The following ZCCHC7 variants were observed in gnomAD, a reference collection of about 807,000 sequenced individuals.
The protein encoded by ZCCHC7 is zinc finger CCHC-type containing 7.
Under a neutral mutation model 52.0 loss-of-function variants are expected in ZCCHC7, and 35 were observed. That is an observed-to-expected ratio of 0.67 (90% CI 0.51 to 0.89). ZCCHC7 has a LOEUF of 0.89. Among genes scored for constraint, ZCCHC7 ranks in the 40% least tolerant of loss-of-function variants. The pLI, the probability that ZCCHC7 is intolerant of heterozygous loss-of-function variation, is 0.00. For synonymous variants in ZCCHC7, 217 were observed against 221.5 expected, an observed-to-expected ratio of 0.98 and a Z score of 0.18; for missense variants, 574 against 649.1, an observed-to-expected ratio of 0.88 and a Z score of 1.26.
chr9:37,238,805 T>C (rs1328223121), intron 2 of ZCCHC7, among the ~76,000 whole-genome samples: 3 of 152,074 alleles, frequency 2.0e-5, no homozygotes, highest in African/African-American at 7.2e-5. Context: ...AACATCACGA[T>C]TGCAATGAAA....
chr9:37,278,051 G>GTTTTGTTTTGTTTTGTTTTGTTTTT (rs1827774655), intron 2 of ZCCHC7, among the ~76,000 whole-genome samples: 1 of 150,456 alleles, frequency 6.6e-6, no homozygotes, highest in Non-Finnish European at 1.5e-5. Flanking sequence ...GTTTTGTTTT[G>GTTTTGTTTTGTTTTGTTTTGTTTTT]TTTTGTTTTG....
rs1159322192 is a variant in ZCCHC7, at chr9:37,357,368, A to AGTTTTT, written c.*102_*107dup. 1 of 1,223,088 alleles carries AGTTTTT rather than the reference A, an allele frequency of 8.2e-7. No individual in the cohort carries two copies. The highest frequency in any genetic ancestry group is 1.5e-5 in the African/African-American group (1 of 65,268). The allele number at this position is 1,223,088 out of a possible 1,614,324, so 75.8% of individuals were successfully genotyped here. ...TTATTATCTATGATTAAATAAAGTG[A>AGTTTTT]GTTTTTGGTTTTGTTTTTTTAATTT... On this transcript the variant is annotated 3_prime_UTR_variant, in exon 9 of 9. Coordinates refer to ENST00000336755, the MANE Select transcript of ZCCHC7 (RefSeq NM_032226.3).
intron 1 of ZCCHC7, among the ~76,000 whole-genome samples, chr9:37,123,215 G>C (rs1369467185): frequency 2.4e-5 from 3 of 127,084 alleles, no homozygotes; most frequent in African/African-American, 7.8e-5. Flanking sequence ...GTGTGTGTGT[G>C]TGTGTGTGTG....
chr9:37,296,881 T>G (rs1038096740), intron 2 of ZCCHC7, among the ~76,000 whole-genome samples: 3 of 124,134 alleles, frequency 2.4e-5, no homozygotes, highest in Admixed American at 1.7e-4. Flanking sequence ...CCTGGCTAGT[T>G]TGTGTGTGTG....
chr9:37,293,105 A>C (rs1828615443), intron 2 of ZCCHC7, among the ~76,000 whole-genome samples: 1 of 152,206 alleles, frequency 6.6e-6, no homozygotes, highest in African/African-American at 2.4e-5. Context: ...TTGGAATGGT[A>C]GGTTGTGCTT....
intron 2 of ZCCHC7, among the ~76,000 whole-genome samples, chr9:37,154,012 C>G (rs1820678901): frequency 6.6e-6 from 1 of 152,104 alleles, no homozygotes; most frequent in African/African-American, 2.4e-5. Flanking sequence ...ACCTCAGCCT[C>G]CCAAGTAGAT....
chr9:37,305,444 C>A, intron 4 of ZCCHC7, 100 bp from the exon 5 acceptor site: 3 of 1,420,916 alleles, frequency 2.1e-6, no homozygotes, highest in South Asian at 1.3e-5. Flanking sequence ...ATTGGGATCT[C>A]AAATTAGAAA....
At chr9:37,218,368 T>C (rs1824625561) in intron 2 of ZCCHC7, among the ~76,000 whole-genome samples, 2 of 152,216 alleles carry the variant, frequency 1.3e-5, no homozygotes, top group African/African-American at 4.8e-5. Flanking sequence ...TTAACTATTA[T>C]GGGTTCATGG....
intron 6 of ZCCHC7, among the ~76,000 whole-genome samples, chr9:37,332,613 C>G (rs1389338053): frequency 6.6e-6 from 1 of 150,966 alleles, no homozygotes; most frequent in Non-Finnish European, 1.5e-5. Flanking sequence ...CAGAGTAAGT[C>G]AACTGATTTT....
chr9:37,138,429 A>G (rs1429551656), intron 2 of ZCCHC7, among the ~76,000 whole-genome samples: 1 of 152,200 alleles, frequency 6.6e-6, no homozygotes, highest in Non-Finnish European at 1.5e-5. Context: ...TAGATCAGCA[A>G]CATAGGGAGG....
intron 2 of ZCCHC7, among the ~76,000 whole-genome samples, chr9:37,269,380 C>T (rs1827275824): frequency 1.3e-5 from 2 of 151,900 alleles, no homozygotes; most frequent in Non-Finnish European, 2.9e-5. Context: ...TAAGAGGCTA[C>T]TGGGAGGCTG....
chr9:37,338,962 G>T (rs1288072224), intron 6 of ZCCHC7, among the ~76,000 whole-genome samples: 7 of 152,224 alleles, frequency 4.6e-5, no homozygotes, highest in Non-Finnish European at 1.0e-4. Context: ...GGTCTGTTGT[G>T]TACATAATAC....
At chr9:37,221,157 C>T (rs908251431) in intron 2 of ZCCHC7, among the ~76,000 whole-genome samples, 10 of 152,154 alleles carry the variant, frequency 6.6e-5, no homozygotes, top group African/African-American at 2.4e-4. Flanking sequence ...AAGAATTTTG[C>T]ACTAAGCCTT....
At chr9:37,141,017 A>T (rs995521791) in intron 2 of ZCCHC7, among the ~76,000 whole-genome samples, 1 of 152,010 alleles carries the variant, frequency 6.6e-6, no homozygotes, top group African/African-American at 2.4e-5. Flanking sequence ...TATAATGCGC[A>T]TACTTATTTC....
Position 37,327,820 on chromosome 9 carries a change from C to T in ZCCHC7, c.973C>T (p.Gln325Ter), listed in dbSNP as rs1214460509. ...CCAGGCTTGCACAGAAATCTGGAGG[C>T]AGTATCACCTAACGGTGAGTAGAAA... ...YTDACTEIWR[Q>*]YHLTTKPGPP... Residue 325 changes from glutamine (Q) to a stop codon, truncating the protein, a stop_gained, in exon 6 of 9, where the codon CAG (glutamine) becomes TAG (stop). Coordinates refer to ENST00000336755, the MANE Select transcript of ZCCHC7 (RefSeq NM_032226.3). LOFTEE classifies it high-confidence loss of function. 18 of 1,613,024 alleles carry T rather than the reference C, an allele frequency of 1.1e-5. No homozygotes were observed. The highest frequency in any genetic ancestry group is 1.4e-5 in the Non-Finnish European group (16 of 1,179,322).
chr9:37,134,811 C>T (rs1469279268), intron 2 of ZCCHC7, among the ~76,000 whole-genome samples: 12 of 152,124 alleles, frequency 7.9e-5, no homozygotes, highest in Admixed American at 3.9e-4. Flanking sequence ...CCGCAACTTC[C>T]GCCTCCCGGG....
intron 6 of ZCCHC7, among the ~76,000 whole-genome samples, chr9:37,337,687 T>A (rs2118413847): frequency 6.6e-6 from 1 of 152,214 alleles, no homozygotes; most frequent in Admixed American, 6.5e-5. Context: ...GGAAATACAT[T>A]TTTAAAATAA....
intron 2 of ZCCHC7, among the ~76,000 whole-genome samples, chr9:37,159,119 T>G (rs1820962415): frequency 6.6e-6 from 1 of 152,248 alleles, no homozygotes; most frequent in Admixed American, 6.5e-5. Context: ...TTAACAGGTA[T>G]GTTTTTCTAT....
At chr9:37,338,276 T>C (rs1479038375) in intron 6 of ZCCHC7, among the ~76,000 whole-genome samples, 2 of 152,168 alleles carry the variant, frequency 1.3e-5, no homozygotes, top group Non-Finnish European at 2.9e-5. Flanking sequence ...TTTTCAGATA[T>C]ATTTTAGATT....
Sources: allele counts gnomAD v4.1 joint callset (sites outside exome capture counted in the v4.1 genomes callset), GRCh38; gene constraint gnomAD v4.1.1; transcripts MANE v1.5; gene names NCBI Gene and HGNC (gene_info 2026-07-23, HGNC 2026-07-21).